Variants in CACNA2D3 observed in about 807,000 individuals in gnomAD.
The protein encoded by CACNA2D3 is calcium voltage-gated channel auxiliary subunit alpha2delta 3.
In CACNA2D3, 60 loss-of-function variants were observed where a neutral mutation model predicts 160.6. The ratio of observed to expected loss-of-function variants is 0.37; its 90% CI spans 0.30 to 0.46. The LOEUF is 0.46. Among genes scored for constraint, CACNA2D3 ranks in the 20% least tolerant of loss-of-function variants. The pLI is 1.00. For missense variants in CACNA2D3, 1,205 were observed against 1,365.0 expected (o/e 0.88, Z 1.85); for synonymous variants, 558 against 492.9 (o/e 1.13, Z -1.75).
At chr3:54,849,312 A>G (rs1699005132) in intron 17 of CACNA2D3, among the ~76,000 whole-genome samples, 1 of 152,162 alleles carries the variant, frequency 6.6e-6, no homozygotes, top group African/African-American at 2.4e-5. Flanking sequence ...GCCGGCATGA[A>G]TACCCGTGGC....
chr3:54,458,240 G>A (rs1387804123), intron 4 of CACNA2D3, among the ~76,000 whole-genome samples: 1 of 151,906 alleles, frequency 6.6e-6, no homozygotes, highest in African/African-American at 2.4e-5. Flanking sequence ...TTACTTCTAT[G>A]TGTATTTGCT....
chr3:54,741,804 C>T lies in CACNA2D3; in HGVS notation c.1168-10795C>T, dbSNP rs140497766. ...GATAGCCAGTGAGATAATTGTCCTG[C>T]CTTGTTCCTATTTTTTTAGGAGAGT... On this transcript the variant is annotated intron_variant, in intron 11 of 37. Coordinates refer to ENST00000474759, the MANE Select transcript of CACNA2D3 (RefSeq NM_018398.3). Among the ~76,000 whole-genome samples, 939 of 151,928 alleles carry T rather than the reference C, an allele frequency of 6.2e-3. 6 individuals carry two copies. The highest frequency in any genetic ancestry group is 8.7e-3 in the Non-Finnish European group (594 of 67,930).
chr3:54,358,225 A>G (rs753737721), intron 3 of CACNA2D3, among the ~76,000 whole-genome samples: 9 of 152,238 alleles, frequency 5.9e-5, no homozygotes, highest in African/African-American at 2.2e-4. Context: ...TCCAAAATAT[A>G]AAATTAATTA....
chr3:54,143,361 G>T (rs1187703155), intron 2 of CACNA2D3, among the ~76,000 whole-genome samples: 2 of 152,160 alleles, frequency 1.3e-5, no homozygotes, highest in East Asian at 3.8e-4. Context: ...TAATAACTAT[G>T]ATCAACTTGG....
At chr3:54,944,316 C>T (rs992752401) in intron 27 of CACNA2D3, among the ~76,000 whole-genome samples, 2 of 151,920 alleles carry the variant, frequency 1.3e-5, no homozygotes, top group Non-Finnish European at 2.9e-5. Flanking sequence ...TTATCTGCCA[C>T]GTTTTCTTTT....
intron 27 of CACNA2D3, among the ~76,000 whole-genome samples, chr3:54,961,513 A>G (rs1273259306): frequency 1.3e-5 from 2 of 152,214 alleles, no homozygotes; most frequent in Non-Finnish European, 2.9e-5. Flanking sequence ...ATTAGGAGAA[A>G]ATCTTCTGTT....
At chr3:54,521,083 T>C (rs1261190492) in intron 5 of CACNA2D3, among the ~76,000 whole-genome samples, 1 of 152,256 alleles carries the variant, frequency 6.6e-6, no homozygotes, top group Non-Finnish European at 1.5e-5. Context: ...CTCACATTTT[T>C]CTGTGGATAC....
At chr3:54,449,827 G>A (rs868165925) in intron 4 of CACNA2D3, among the ~76,000 whole-genome samples, 1 of 152,144 alleles carries the variant, frequency 6.6e-6, no homozygotes, top group Non-Finnish European at 1.5e-5. Context: ...AGAGAAGCAA[G>A]GACCATTTAA....
In CACNA2D3 at chr3:54,288,069, A is replaced by G. The variant is rs918740250; in HGVS notation, c.205-32373A>G. Among the ~76,000 whole-genome samples the G allele has an allele frequency of 1.8e-3, 277 of 152,130 alleles. 1 individual carries two copies. The highest frequency in any genetic ancestry group is 6.5e-3 in the African/African-American group (268 of 41,508). ...CTAGCAGAAGGCAAGAAATAACTAAAATCAGAGCAGAACTGAAGGAAATAG... is the reference window on the plus strand; with the variant it reads ...CTAGCAGAAGGCAAGAAATAACTAAGATCAGAGCAGAACTGAAGGAAATAG... On this transcript the variant is annotated intron_variant, in intron 2 of 37. Transcript: ENST00000474759.
intron 3 of CACNA2D3, among the ~76,000 whole-genome samples, chr3:54,345,895 G>T (rs551547798): frequency 1.7e-4 from 26 of 151,844 alleles, no homozygotes; most frequent in Non-Finnish European, 3.7e-4. Flanking sequence ...AGGAAATCAG[G>T]TGTTGTTTTC....
chr3:55,066,428 A>C (rs1480738595), intron 35 of CACNA2D3, among the ~76,000 whole-genome samples: 3 of 152,134 alleles, frequency 2.0e-5, no homozygotes, highest in Non-Finnish European at 4.4e-5. Context: ...CATTTAATGA[A>C]AGGCAAGCCA....
At chr3:54,259,532 A>T (rs1198627272) in intron 2 of CACNA2D3, among the ~76,000 whole-genome samples, 1 of 152,202 alleles carries the variant, frequency 6.6e-6, no homozygotes, top group South Asian at 2.1e-4. Context: ...GGAGAGCCGG[A>T]TAGAAATGCT....
intron 35 of CACNA2D3, among the ~76,000 whole-genome samples, chr3:55,022,972 A>G (rs1398969283): frequency 6.6e-6 from 1 of 151,834 alleles, no homozygotes; most frequent in African/African-American, 2.4e-5. Context: ...TGCATTTTTT[A>G]TATGTTTATA....
chr3:54,615,984 G>A (rs1438660807), intron 9 of CACNA2D3, among the ~76,000 whole-genome samples: 3 of 152,200 alleles, frequency 2.0e-5, no homozygotes, highest in Non-Finnish European at 4.4e-5. Context: ...AATGCCTGAT[G>A]ATTTGAGGTG....
intron 11 of CACNA2D3, among the ~76,000 whole-genome samples, chr3:54,686,453 T>C (rs1204508928): frequency 6.6e-6 from 1 of 152,192 alleles, no homozygotes; most frequent in East Asian, 1.9e-4. Flanking sequence ...TAAAGTAATG[T>C]TAAGACTGAA....
At chr3:54,409,405 T>A (rs1358484187) in intron 4 of CACNA2D3, among the ~76,000 whole-genome samples, 1 of 152,176 alleles carries the variant, frequency 6.6e-6, no homozygotes, top group Non-Finnish European at 1.5e-5. Flanking sequence ...CATTCCCTCA[T>A]CTCTCTCCCT....
chr3:54,176,332 T>C (rs1700677358), intron 2 of CACNA2D3, among the ~76,000 whole-genome samples: 1 of 152,232 alleles, frequency 6.6e-6, no homozygotes, highest in Non-Finnish European at 1.5e-5. Context: ...GAAACAGTTC[T>C]CCTGGACCAC....
intron 5 of CACNA2D3, among the ~76,000 whole-genome samples, chr3:54,542,486 G>A (rs1488043465): frequency 4.6e-5 from 7 of 152,310 alleles, no homozygotes; most frequent in African/African-American, 1.2e-4. Context: ...AACCTCACAA[G>A]TAGGGAAGCC....
At chr3:54,289,787 G>T (rs1703137987) in intron 2 of CACNA2D3, among the ~76,000 whole-genome samples, 1 of 152,054 alleles carries the variant, frequency 6.6e-6, no homozygotes, top group Non-Finnish European at 1.5e-5. Context: ...TGACAAACCT[G>T]AGAAAAACAA....
Sources: gnomAD v4.1 joint callset for allele counts (sites outside exome capture counted in the v4.1 genomes callset) on GRCh38, gnomAD v4.1.1 for gene constraint, MANE v1.5 for transcripts, NCBI Gene and HGNC (gene_info 2026-07-23, HGNC 2026-07-21) for gene names.